Variants in EDEM2 observed in about 807,000 individuals in gnomAD.
EDEM2 encodes the protein ER degradation enhancing alpha-mannosidase like protein 2, also known as ER degradation-enhancing alpha-mannosidase-like protein 2.
Under a neutral mutation model 64.8 loss-of-function variants are expected in EDEM2, and 39 were observed. The observed-to-expected ratio is 0.60, with a 90% CI of 0.47 to 0.79. EDEM2 has a LOEUF of 0.79. Ranked by LOEUF, EDEM2 falls within the 30% of genes least tolerant of loss-of-function variation. EDEM2 has a pLI of 0.00. For missense variants in EDEM2, 609 were observed against 731.3 expected (o/e 0.83, Z 1.93); for synonymous variants, 296 against 291.5 (o/e 1.02, Z -0.16).
Position 35,115,456 on chromosome 20 carries a change from G to A in EDEM2, c.1714C>T (p.Gln572Ter). 1.2e-6 allele frequency: 2 copies of A among 1,613,934 alleles called. No homozygotes were observed. The highest frequency in any genetic ancestry group is 1.1e-5 in the South Asian group (1 of 91,080). The part of the protein sequence containing the change: ...PFTSKLALLG[Q>*]VFLDSS Reference sequence around the variant, plus strand: ...GGTTATGAGGAGTCTAGGAAAACCTGTCCCAGTAATGCCAACTTGGAGGTG... The same window carrying A: ...GGTTATGAGGAGTCTAGGAAAACCTATCCCAGTAATGCCAACTTGGAGGTG... Residue 572 changes from glutamine (Q) to a stop codon, truncating the protein, a stop_gained, in exon 11 of 11, where the codon CAG (glutamine) becomes TAG (stop). Coordinates refer to ENST00000374492, the MANE Select transcript of EDEM2 (RefSeq NM_018217.3). LOFTEE classifies it high-confidence loss of function.
At chr20:35,124,112 A>G (rs1041980845) in intron 8 of EDEM2, 78 bp from the exon 9 acceptor site, 17 of 1,542,474 alleles carry the variant, frequency 1.1e-5, no homozygotes, top group African/African-American at 1.4e-5. Flanking sequence ...AAGACAAAGT[A>G]AAATCTGTGG....
chr20:35,132,333 T>C (rs2085516226), intron 6 of EDEM2, among the ~76,000 whole-genome samples: 1 of 151,992 alleles, frequency 6.6e-6, no homozygotes, highest in African/African-American at 2.4e-5. Flanking sequence ...TTTTTAATTG[T>C]TCAGTCTCTG....
chr20:35,126,411 T>C (rs769798242), intron 7 of EDEM2, 36 bp from the exon 8 acceptor site: 1 of 1,609,142 alleles, frequency 6.2e-7, no homozygotes, highest in Non-Finnish European at 8.5e-7. Flanking sequence ...GACATATGAG[T>C]GATTAGGGAG....
chr20:35,145,813 C>T (rs887927699), intron 2 of EDEM2, among the ~76,000 whole-genome samples: 4 of 151,948 alleles, frequency 2.6e-5, no homozygotes, highest in African/African-American at 9.7e-5. Flanking sequence ...AGTTCAAGAC[C>T]AGCCTGGCCA....
chr20:35,125,069 T>A (rs1489168575), intron 8 of EDEM2, among the ~76,000 whole-genome samples: 5 of 152,236 alleles, frequency 3.3e-5, no homozygotes, highest in Admixed American at 3.3e-4. Context: ...CAGAACAAAC[T>A]TGGCACTTCC....
At position 35,147,181 on chromosome 20, in the gene EDEM2, G is replaced by A. The variant is rs199925808; in HGVS notation, c.78C>T (p.Asp26=). The A allele has an allele frequency of 1.2e-6, 2 of 1,602,402 alleles. No individual in the cohort carries two copies. Among genetic ancestry groups the A allele is most frequent in the Non-Finnish European group, 1.7e-6 (2 of 1,173,480 alleles). ...LPQHHGAPGP[D]GSAPDPAHYR... ...AGTGGGCGGGATCTGGCGCGGAGCC[G>A]TCGGGACCTGGCGCACCATGGTGCT... Residue 26 remains aspartate (D), a synonymous_variant, in exon 1 of 11, where the codon GAC becomes GAT. Coordinates refer to ENST00000374492, the MANE Select transcript of EDEM2 (RefSeq NM_018217.3).
intron 4 of EDEM2, among the ~76,000 whole-genome samples, chr20:35,139,031 G>A (rs2085615379): frequency 6.6e-6 from 1 of 152,108 alleles, no homozygotes; most frequent in Non-Finnish European, 1.5e-5. Flanking sequence ...ACCAAGGTCA[G>A]ACCTGCCCCA....
At chr20:35,136,126 T>A (rs1474018451) in intron 5 of EDEM2, among the ~76,000 whole-genome samples, 1 of 152,118 alleles carries the variant, frequency 6.6e-6, no homozygotes, top group Non-Finnish European at 1.5e-5. Flanking sequence ...ACAAGAAACT[T>A]GCAATCTGGC....
In EDEM2 at chr20:35,143,068, T is replaced by C. The variant is rs374122691; in HGVS notation, c.259-590A>G. On this transcript the variant is annotated intron_variant, in intron 3 of 10. Coordinates refer to ENST00000374492, the MANE Select transcript of EDEM2 (RefSeq NM_018217.3). ...ACCGCACCTGGCCAAAAGTCTTAGT[T>C]TGACATTTGCAGTAGATACCAGTTG... Among the ~76,000 whole-genome samples, 14 of 152,244 alleles carry C rather than the reference T, an allele frequency of 9.2e-5. 2 individuals are homozygous for C. The highest frequency in any genetic ancestry group is 2.1e-4 in the South Asian group (1 of 4,818).
intron 3 of EDEM2, 151 bp downstream of exon 3, chr20:35,144,828 A>T: frequency 2.5e-6 from 2 of 799,648 alleles, no homozygotes; most frequent in Non-Finnish European, 2.0e-6. Flanking sequence ...CTATCTAGCT[A>T]GGCAACCACA....
chr20:35,125,937 G>T (rs968057445), intron 8 of EDEM2, among the ~76,000 whole-genome samples: 2 of 152,140 alleles, frequency 1.3e-5, no homozygotes, highest in Non-Finnish European at 2.9e-5. Flanking sequence ...CCACTGTCAA[G>T]AATGAGATTG....
chr20:35,143,407 G>T (rs1048673211), intron 3 of EDEM2, among the ~76,000 whole-genome samples: 2 of 152,124 alleles, frequency 1.3e-5, no homozygotes, highest in Non-Finnish European at 2.9e-5. Flanking sequence ...AGACCATGAC[G>T]TACTAAGCAT....
chr20:35,147,125 A>C (rs767814000), intron 1 of EDEM2, 27 bp downstream of exon 1: 10 of 1,594,110 alleles, frequency 6.3e-6, no homozygotes, highest in Non-Finnish European at 8.6e-6. Flanking sequence ...CCATTCCCCA[A>C]CTGCGAAAGG....
chr20:35,131,556 ACT>A, intron 7 of EDEM2, 84 bp downstream of exon 7: 5 of 1,522,250 alleles, frequency 3.3e-6, no homozygotes, highest in African/African-American at 1.4e-5. Flanking sequence ...ATGGAGCAAG[ACT>A]CTGTCTCAAA....
Position 35,144,971 on chromosome 20 carries a change from ATACT to A in EDEM2, c.258+4_258+7del. On this transcript the variant is annotated splice_donor_5th_base_variant and intron_variant, in intron 3 of 10. Transcript: ENST00000374492. ...GTGGAAAGGAAAAGAAACAGACGAGATACTTACCAGCAAGGTGTCCAGTGCATCA... is the reference window on the plus strand; with the variant it reads ...GTGGAAAGGAAAAGAAACAGACGAGATACCAGCAAGGTGTCCAGTGCATCA... The A allele has an allele frequency of 6.2e-7, 1 of 1,613,998 alleles. No homozygotes were observed.
intron 9 of EDEM2, among the ~76,000 whole-genome samples, chr20:35,122,355 GCTT>G (rs570672004): frequency 6.2e-4 from 95 of 152,122 alleles, no homozygotes; most frequent in Non-Finnish European, 1.0e-3. Context: ...CCTTCTCAGA[GCTT>G]CTTATTTTTA....
At position 35,134,959 on chromosome 20, in the gene EDEM2, C is replaced by T. The variant is rs748822225; in HGVS notation, c.491-10G>A. On this transcript the variant is annotated splice_polypyrimidine_tract_variant and intron_variant, in intron 5 of 10. Coordinates refer to ENST00000374492, the MANE Select transcript of EDEM2 (RefSeq NM_018217.3). ...GTGGGGGTCTGAAAGGCTGAACAAT[C>T]GACAAATTATGATCCCGGACAGGAG... The T allele has an allele frequency of 5.6e-6, 9 of 1,613,254 alleles. No individual in the cohort carries two copies. The highest frequency in any genetic ancestry group is 7.6e-6 in the Non-Finnish European group (9 of 1,179,882).
chr20:35,121,567 G>A (rs1490278084), intron 9 of EDEM2, among the ~76,000 whole-genome samples: 5 of 152,194 alleles, frequency 3.3e-5, no homozygotes. Context: ...TGCTCTAGAG[G>A]AAGGAGACAG....
At chr20:35,134,991 G>A in intron 5 of EDEM2, 42 bp from the exon 6 acceptor site, 5 of 1,595,898 alleles carry the variant, frequency 3.1e-6, no homozygotes, top group Non-Finnish European at 4.3e-6. Flanking sequence ...GGAGCAGGGG[G>A]ATAGGGATAG....
Sources: allele counts gnomAD v4.1 joint callset (sites outside exome capture counted in the v4.1 genomes callset), GRCh38; gene constraint gnomAD v4.1.1; transcripts MANE v1.5; gene names NCBI Gene and HGNC (gene_info 2026-07-23, HGNC 2026-07-21).